The following FANCC variants were observed in gnomAD, a reference collection of about 807,000 sequenced individuals.
FANCC encodes the protein FA complementation group C.
In FANCC, 55 loss-of-function variants were observed where a neutral mutation model predicts 71.3. That is an observed-to-expected ratio of 0.77 (90% CI 0.62 to 0.97). The LOEUF (loss-of-function observed/expected upper bound fraction) is 0.97, where lower values mean the gene tolerates loss of function less well. FANCC is among the 50% of genes least tolerant of loss of function. The probability of loss-of-function intolerance (pLI) is 0.00; values close to 1 mark genes in which losing one functional copy is unlikely to be tolerated. For missense variants in FANCC, 678 were observed against 670.9 expected, an observed-to-expected ratio of 1.01 and a Z score of -0.12; for synonymous variants, 275 against 244.9, an observed-to-expected ratio of 1.12 and a Z score of -1.15.
At chr9:95,160,620 G>A (rs1430358100) in intron 6 of FANCC, among the ~76,000 whole-genome samples, 1 of 152,200 alleles carries the variant, frequency 6.6e-6, no homozygotes, top group African/African-American at 2.4e-5. Context: ...ACCTTGGGCA[G>A]TATGGCCATT....
At chr9:95,273,124 T>G (rs1305432883) in intron 1 of FANCC, among the ~76,000 whole-genome samples, 1 of 152,230 alleles carries the variant, frequency 6.6e-6, no homozygotes, top group Non-Finnish European at 1.5e-5. Context: ...AATGTTTTTC[T>G]TTTTTGAGAA....
chr9:95,163,629 C>T (rs968097763), intron 6 of FANCC, among the ~76,000 whole-genome samples: 1 of 152,208 alleles, frequency 6.6e-6, no homozygotes, highest in African/African-American at 2.4e-5. Flanking sequence ...GCAAGTGGAT[C>T]ACCTGAGGTC....
chr9:95,268,194 A>G (rs891456557), intron 1 of FANCC, among the ~76,000 whole-genome samples: 3 of 152,246 alleles, frequency 2.0e-5, no homozygotes, highest in African/African-American at 7.2e-5. Context: ...GAAATGCTTC[A>G]GGCAACAGAT....
At chr9:95,169,453 A>G (rs1825522748) in intron 6 of FANCC, among the ~76,000 whole-genome samples, 1 of 152,170 alleles carries the variant, frequency 6.6e-6, no homozygotes, top group Admixed American at 6.5e-5. Flanking sequence ...ACTGTATGCG[A>G]TTTCCTCATC....
chr9:95,317,022 G>A (rs933898968), intron 1 of FANCC: 1 of 152,402 alleles, frequency 6.6e-6, no homozygotes, highest in African/African-American at 2.4e-5. Context: ...TGGGGTTTGG[G>A]GGCAGGGGTG....
At chr9:95,179,172 C>T (rs1826190893) in intron 4 of FANCC, among the ~76,000 whole-genome samples, 1 of 152,102 alleles carries the variant, frequency 6.6e-6, no homozygotes, top group South Asian at 2.1e-4. Context: ...GGTCAATTTC[C>T]CTTAGTTTAT....
intron 4 of FANCC, among the ~76,000 whole-genome samples, chr9:95,228,330 A>G (rs1356433472): frequency 6.6e-6 from 1 of 151,958 alleles, no homozygotes; most frequent in Non-Finnish European, 1.5e-5. Context: ...GTCCCAAACT[A>G]TTTTTCTAAC....
Sources: allele counts gnomAD v4.1 joint callset (sites outside exome capture counted in the v4.1 genomes callset), GRCh38; gene constraint gnomAD v4.1.1; transcripts MANE v1.5; gene names NCBI Gene and HGNC (gene_info 2026-07-23, HGNC 2026-07-21).